STUM: variants seen among roughly 807,000 people sequenced by gnomAD.
STUM encodes protein stum homolog.
A neutral mutation model predicts 15.3 loss-of-function variants in STUM; 8 were observed. That is an observed-to-expected ratio of 0.52 (90% CI 0.31 to 0.94). The LOEUF is 0.94. STUM is among the 40% of genes least tolerant of loss of function. The pLI is 0.05. For synonymous variants in STUM, 78 were observed against 88.7 expected, an observed-to-expected ratio of 0.88 and a Z score of 0.68; for missense variants, 142 against 204.9, an observed-to-expected ratio of 0.69 and a Z score of 1.87.
At chr1:226,597,455 C>A (rs1442463190) in intron 2 of STUM, 1 of 472,378 alleles carries the variant, frequency 2.1e-6, no homozygotes, top group Non-Finnish European at 4.4e-6. Flanking sequence ...ATTGACCTCA[C>A]CTCTCAGGCA....
In STUM at chr1:226,603,140, G is replaced by T. The variant is rs903729477; in HGVS notation, c.*1100G>T. ...TGAGAGCTTTTAGGGTTTCAGAATT[G>T]CAAGAACAATTGTATGGGGTTGTGG... is the stretch of plus-strand genomic sequence containing the variant. On this transcript the variant is annotated 3_prime_UTR_variant, in exon 4 of 4. Transcript: ENST00000366788. 5 of 152,224 alleles carry T rather than the reference G, an allele frequency of 3.3e-5. No homozygotes were observed. The highest frequency in any genetic ancestry group is 2.6e-4 in the Admixed American group (4 of 15,286). The allele number at this position is 152,224 out of a possible 1,614,324, so 9.4% of individuals were successfully genotyped here.
At chr1:226,558,678 T>G (rs150545435) in intron 1 of STUM, among the ~76,000 whole-genome samples, 1 of 152,346 alleles carries the variant, frequency 6.6e-6, no homozygotes, top group East Asian at 1.9e-4. Context: ...AATGTGTGTG[T>G]GGGTGGGTGG....
At position 226,567,298 on chromosome 1, in the gene STUM, C is replaced by T. The variant is rs531517912; in HGVS notation, c.202+18192C>T. Reference sequence around the variant, plus strand: ...TGGTGACGGCCCCGCGGGCTCTTTTCTCAAACCAGATTCGTTCAAAAAGCC... The same window carrying T: ...TGGTGACGGCCCCGCGGGCTCTTTTTTCAAACCAGATTCGTTCAAAAAGCC... On this transcript the variant is annotated intron_variant, in intron 1 of 3. Coordinates refer to ENST00000366788, the MANE Select transcript of STUM (RefSeq NM_001003665.4). This position sits in a 1 kb window ranked among gnomAD's most constrained non-coding sequence, Gnocchi z 4.5. Among the ~76,000 whole-genome samples the T allele has an allele frequency of 6.6e-6, 1 of 152,334 alleles. No individual in the cohort carries two copies. The highest frequency in any genetic ancestry group is 6.5e-5 in the Admixed American group (1 of 15,296).
intron 1 of STUM, among the ~76,000 whole-genome samples, chr1:226,580,801 C>G (rs1419213689): frequency 1.3e-5 from 2 of 152,180 alleles, no homozygotes; most frequent in African/African-American, 2.4e-5. Context: ...CATTGTGCCC[C>G]CAGCACCAAG....
At chr1:226,590,181 G>A (rs867102187) in intron 1 of STUM, among the ~76,000 whole-genome samples, 5 of 150,624 alleles carry the variant, frequency 3.3e-5, no homozygotes, top group Middle Eastern at 6.9e-3. Flanking sequence ...GACCCCTCCC[G>A]GCAGCTTCTC....
Position 226,600,588 on chromosome 1 carries a change from GCT to G in STUM, c.383-75_383-74del. ...TTTCCTGTGCCAAGCGTTCCCTGTGGCTCTGTTTTCAGGCTGTGTTTTCTCTT... is the reference window on the plus strand; with the variant it reads ...TTTCCTGTGCCAAGCGTTCCCTGTGGCTGTTTTCAGGCTGTGTTTTCTCTT... On this transcript the variant is annotated intron_variant, in intron 2 of 3. Transcript: ENST00000366788. The surrounding 1 kb of genome is among the most constrained non-coding windows in gnomAD (Gnocchi z 5.2). 6.4e-7 allele frequency: 1 copy of G among 1,554,208 alleles called. No homozygotes were observed.
chr1:226,602,058 G>C lies in STUM; in HGVS notation c.*18G>C. The C allele has an allele frequency of 6.2e-7, 1 of 1,601,582 alleles. No homozygotes were observed. Among genetic ancestry groups the C allele is most frequent in the Non-Finnish European group, 8.5e-7 (1 of 1,177,510 alleles). Reference sequence around the variant, plus strand: ...AGCTGTGAGCCCACGGGAGCCGCTGGGGAGATCCAGGGGGGCCCTGTGAGG... The same window carrying C: ...AGCTGTGAGCCCACGGGAGCCGCTGCGGAGATCCAGGGGGGCCCTGTGAGG... On this transcript the variant is annotated 3_prime_UTR_variant, in exon 4 of 4. Transcript: ENST00000366788.
At chr1:226,582,611 G>A (rs1025574839) in intron 1 of STUM, among the ~76,000 whole-genome samples, 13 of 139,258 alleles carry the variant, frequency 9.3e-5, no homozygotes, top group African/African-American at 3.4e-4. Context: ...AAAAAAAAAA[G>A]ACATCAGTAT....
In STUM at chr1:226,602,133, C is replaced by T; in HGVS notation, c.*93C>T. 1.1e-6 allele frequency: 1 copy of T among 923,208 alleles called. No individual in the cohort carries two copies. Among genetic ancestry groups the T allele is most frequent in the East Asian group, 2.5e-5 (1 of 39,596 alleles). The allele number at this position is 923,208 out of a possible 1,614,324, so 57.2% of individuals were successfully genotyped here. ...AAGGACCTTTACATGTTCTTTTCTG[C>T]CATTTTCTGGACTGGGGGTGGAAAG... On this transcript the variant is annotated 3_prime_UTR_variant, in exon 4 of 4. Coordinates refer to ENST00000366788, the MANE Select transcript of STUM (RefSeq NM_001003665.4).
chr1:226,593,675 G>A (rs1028057423), intron 1 of STUM, among the ~76,000 whole-genome samples: 2 of 152,306 alleles, frequency 1.3e-5, no homozygotes, highest in Non-Finnish European at 2.9e-5. Flanking sequence ...CTGTCCATCC[G>A]GCGAGAGTAG....
Position 226,603,659 on chromosome 1 carries a change from C to G in STUM, c.*1619C>G, listed in dbSNP as rs1668307799. On this transcript the variant is annotated 3_prime_UTR_variant, in exon 4 of 4. Transcript: ENST00000366788. Reference sequence around the variant, plus strand: ...GTTCTGGGGGTTTCAGCCCACCTACCCCATCCACCGGGCTTTCTAATCACA... The same window carrying G: ...GTTCTGGGGGTTTCAGCCCACCTACGCCATCCACCGGGCTTTCTAATCACA... 1 of 152,244 alleles carries G rather than the reference C, an allele frequency of 6.6e-6. No individual in the cohort carries two copies. Among genetic ancestry groups the G allele is most frequent in the Non-Finnish European group, 1.5e-5 (1 of 68,092 alleles). 9.4% of individuals were successfully genotyped at this position (152,244 alleles called of 1,614,324 possible).
intron 1 of STUM, among the ~76,000 whole-genome samples, chr1:226,560,702 C>G (rs1667525382): frequency 6.6e-6 from 1 of 152,178 alleles, no homozygotes; most frequent in Non-Finnish European, 1.5e-5. Context: ...GGAGCGCCGA[C>G]AGCAGATCAA....
chr1:226,570,853 T>A (rs1163683828), intron 1 of STUM, among the ~76,000 whole-genome samples: 2 of 152,204 alleles, frequency 1.3e-5, no homozygotes, highest in African/African-American at 2.4e-5. Context: ...ATGGTTTTTT[T>A]AAAAATGCAT....
In STUM at chr1:226,549,397, C is replaced by G. The variant is rs374918694; in HGVS notation, c.202+291C>G. 2.6e-3 allele frequency among the ~76,000 whole-genome samples: 391 copies of G among 152,342 alleles called. No individual in the cohort carries two copies. Among genetic ancestry groups the G allele is most frequent in the African/African-American group, 8.8e-3 (366 of 41,590 alleles). ...GCAGCGGCGGCCGGAATGGCTCTGCCGGCTTCGGAGTAGGGCTCCCGTCCC... is the reference window on the plus strand; with the variant it reads ...GCAGCGGCGGCCGGAATGGCTCTGCGGGCTTCGGAGTAGGGCTCCCGTCCC... On this transcript the variant is annotated intron_variant, in intron 1 of 3. Coordinates refer to ENST00000366788, the MANE Select transcript of STUM (RefSeq NM_001003665.4). This position sits in a 1 kb window ranked among gnomAD's most constrained non-coding sequence, Gnocchi z 6.8.
chr1:226,601,127 T>C (rs1353572175), intron 3 of STUM, among the ~76,000 whole-genome samples: 1 of 152,018 alleles, frequency 6.6e-6, no homozygotes, highest in African/African-American at 2.4e-5. Context: ...ATCGTTTTTT[T>C]TTTCTTCTTC....
rs1279782236 is a variant in STUM, at chr1:226,563,366, G to GC, written c.202+14265dup. On this transcript the variant is annotated intron_variant, in intron 1 of 3. Coordinates refer to ENST00000366788, the MANE Select transcript of STUM (RefSeq NM_001003665.4). ...GGTGGCATTGATTTGCAAGGCCCAGGCCCCCAAAGGAGATTTTTCCAGAGA... is the reference window on the plus strand; with the variant it reads ...GGTGGCATTGATTTGCAAGGCCCAGGCCCCCCAAAGGAGATTTTTCCAGAGA... Among the ~76,000 whole-genome samples, 7 of 152,320 alleles carry GC rather than the reference G, an allele frequency of 4.6e-5. No individual in the cohort carries two copies. The East Asian group carries it at 1.4e-3, about 29-fold the overall frequency.
rs1233760899 is a variant in STUM at position 226,604,133 on chromosome 1, G to A, written c.*2093G>A. 2 of 152,206 alleles carry A rather than the reference G, an allele frequency of 1.3e-5. No individual in the cohort carries two copies. Among genetic ancestry groups the A allele is most frequent in the African/African-American group, 4.8e-5 (2 of 41,436 alleles). 9.4% of individuals were successfully genotyped at this position (152,206 alleles called of 1,614,324 possible). ...CCCCCTGAGTGATGACAGGTCTCAG[G>A]AGGGGGCCGCCCCCACAAATGGGAG... On this transcript the variant is annotated 3_prime_UTR_variant, in exon 4 of 4. Coordinates refer to ENST00000366788, the MANE Select transcript of STUM (RefSeq NM_001003665.4). The surrounding 1 kb of genome is among the most constrained non-coding windows in gnomAD (Gnocchi z 4.7).
rs371248451 is a variant in STUM, at chr1:226,596,926, C to G, written c.327C>G (p.Val109=). The change falls in exon 2 of 4, where the codon GTC becomes GTG. Residue 109 remains valine, a synonymous_variant. Coordinates refer to ENST00000366788, the MANE Select transcript of STUM (RefSeq NM_001003665.4). ...AALIQILTAI[V]MVGWIMSIFW... is the part of the protein sequence containing the mutation. ...TCATCCAAATCCTCACTGCCATCGT[C>G]ATGGTGGGCTGGATCATGAGCATCT... 7.4e-6 allele frequency: 12 copies of G among 1,614,124 alleles called. No individual in the cohort carries two copies. The highest frequency in any genetic ancestry group is 9.3e-6 in the Non-Finnish European group (11 of 1,180,038).
rs142053989 is a variant in STUM, at chr1:226,555,546, T to C, written c.202+6440T>C. On this transcript the variant is annotated intron_variant, in intron 1 of 3. Transcript: ENST00000366788. ...CCATGCCCAATCTGTTAGGAAGTCC[T>C]CTTGGTCTGCTTTCCAAGCCTGATC... 1.9e-3 allele frequency among the ~76,000 whole-genome samples: 292 copies of C among 152,372 alleles called. 2 individuals carry two copies. Among genetic ancestry groups the C allele is most frequent in the African/African-American group, 6.6e-3 (276 of 41,588 alleles).
Sources: allele counts gnomAD v4.1 joint callset (sites outside exome capture counted in the v4.1 genomes callset), GRCh38; gene constraint gnomAD v4.1.1; non-coding constraint Gnocchi (gnomAD v3.1); transcripts MANE v1.5; gene names NCBI Gene and HGNC (gene_info 2026-07-23, HGNC 2026-07-21).